EYS: variants seen among roughly 807,000 people sequenced by gnomAD.
The protein encoded by EYS is EGF-like photoreceptor maintenance factor, also known as protein eyes shut homolog.
Under a neutral mutation model 282.1 loss-of-function variants are expected in EYS, and 250 were observed. The ratio of observed to expected loss-of-function variants is 0.89; its 90% CI spans 0.80 to 0.98. EYS has a LOEUF of 0.98. Among genes scored for constraint, EYS ranks in the 50% least tolerant of loss-of-function variants. EYS has a pLI of 0.00. For synonymous variants in EYS, 1,355 were observed against 1,282.9 expected (o/e 1.06, Z -1.20); for missense variants, 4,016 against 3,709.0 (o/e 1.08, Z -2.15).
chr6:64,866,919 T>C (rs897631119), intron 19 of EYS, among the ~76,000 whole-genome samples: 1 of 151,774 alleles, frequency 6.6e-6, no homozygotes, highest in African/African-American at 2.4e-5. Flanking sequence ...TCATCATTAG[T>C]TAAAAGTTAC....
chr6:65,471,755 C>A (rs1004381822), intron 5 of EYS, among the ~76,000 whole-genome samples: 36 of 152,000 alleles, frequency 2.4e-4, no homozygotes, highest in African/African-American at 8.4e-4. Flanking sequence ...CAATAGAAAT[C>A]ATGTGATTAT....
intron 2 of EYS, among the ~76,000 whole-genome samples, chr6:65,529,139 T>TA (rs554452993): frequency 0.013 from 1,932 of 147,190 alleles, 32 homozygotes; most frequent in Admixed American, 0.031. Flanking sequence ...TTGCTATTCT[T>TA]AAAAAAAAAA....
chr6:65,668,176 A>G lies in EYS; in HGVS notation c.-447-28284T>C, dbSNP rs144492838. 1.7e-3 allele frequency among the ~76,000 whole-genome samples: 255 copies of G among 151,978 alleles called. 1 individual carries two copies. The highest frequency in any genetic ancestry group is 5.3e-3 in the African/African-American group (219 of 41,544). On this transcript the variant is annotated intron_variant, in intron 1 of 42. Coordinates refer to ENST00000503581, the MANE Select transcript of EYS (RefSeq NM_001142800.2). ...TGTTTTCTAATTAGGTGTTGTCTTT[A>G]TACTGTGAATCTTAGTCTTACTTGA...
intron 12 of EYS, among the ~76,000 whole-genome samples, chr6:65,152,764 T>A (rs1184346282): frequency 6.6e-6 from 1 of 151,772 alleles, no homozygotes; most frequent in African/African-American, 2.4e-5. Flanking sequence ...AAATAAAATA[T>A]ATAAATATAT....
At chr6:64,407,029 C>T (rs1773738661) in intron 28 of EYS, among the ~76,000 whole-genome samples, 2 of 152,112 alleles carry the variant, frequency 1.3e-5, no homozygotes, top group South Asian at 4.1e-4. Flanking sequence ...GTTCACAGTG[C>T]AAACACTTGG....
chr6:65,637,379 C>T (rs776302853), intron 2 of EYS, among the ~76,000 whole-genome samples: 32 of 152,170 alleles, frequency 2.1e-4, no homozygotes, highest in Non-Finnish European at 4.0e-4. Context: ...ATGGAAGTGA[C>T]GACCAGTGTG....
In EYS at chr6:65,427,405, A is replaced by G. The variant is rs1014183791; in HGVS notation, c.863-22038T>C. On this transcript the variant is annotated intron_variant, in intron 5 of 42. Transcript: ENST00000503581. ...TAAATTTTTCAAAATACAGATATGC[A>G]TTGACTATCTCATGTTAGATTTGTT... Among the ~76,000 whole-genome samples, 32 of 143,850 alleles carry G rather than the reference A, an allele frequency of 2.2e-4. No homozygotes were observed. The Admixed American group carries it at 2.3e-3, about 10-fold the overall frequency. 94.4% of individuals were successfully genotyped at this position (143,850 alleles called of 152,430 possible).
chr6:64,689,215 T>C (rs1250229406), intron 22 of EYS, among the ~76,000 whole-genome samples: 1 of 152,098 alleles, frequency 6.6e-6, no homozygotes, highest in Admixed American at 6.6e-5. Context: ...TGAACTCCCA[T>C]TCACAATTGC....
At position 64,708,249 on chromosome 6, in the gene EYS, G is replaced by T. The variant is rs554450695; in HGVS notation, c.3444-82004C>A. Among the ~76,000 whole-genome samples the T allele has an allele frequency of 9.8e-5, 15 of 152,302 alleles. No individual in the cohort carries two copies. In the South Asian group the frequency reaches 2.9e-3, roughly 29 times the overall value. On this transcript the variant is annotated intron_variant, in intron 22 of 42. Coordinates refer to ENST00000503581, the MANE Select transcript of EYS (RefSeq NM_001142800.2). ...ATTAATCAGGCATGTGTGCAAAAAT[G>T]TACCTGCATTTAGCAGTACTGCGTA...
intron 11 of EYS, 132 bp downstream of exon 11, chr6:65,334,848 A>T: frequency 1.4e-6 from 1 of 732,794 alleles, no homozygotes. Context: ...ATGTATATGT[A>T]AGTGTTTGTT....
intron 2 of EYS, among the ~76,000 whole-genome samples, chr6:65,631,446 T>G (rs762448113): frequency 3.3e-5 from 5 of 150,420 alleles, no homozygotes; most frequent in Non-Finnish European, 4.4e-5. Flanking sequence ...ATACACCAGA[T>G]GGGCTATAAT....
chr6:64,176,863 G>A (rs1764652751), intron 31 of EYS, among the ~76,000 whole-genome samples: 1 of 151,812 alleles, frequency 6.6e-6, no homozygotes, highest in Non-Finnish European at 1.5e-5. Context: ...TATTGAAAAA[G>A]ATTAAATAAA....
chr6:64,565,147 G>A (rs913973025), intron 26 of EYS, among the ~76,000 whole-genome samples: 3 of 151,940 alleles, frequency 2.0e-5, no homozygotes, highest in Non-Finnish European at 4.4e-5. Context: ...GTGCAGAAAC[G>A]TTTTAGTTTT....
At position 64,662,170 on chromosome 6, in the gene EYS, G is replaced by A. The variant is rs549179364; in HGVS notation, c.3444-35925C>T. ...ACACCACATGTTCTCACTCATAGGT[G>A]GGAACTGAACAATGAGAACACATGG... On this transcript the variant is annotated intron_variant, in intron 22 of 42. Coordinates refer to ENST00000503581, the MANE Select transcript of EYS (RefSeq NM_001142800.2). Among the ~76,000 whole-genome samples, 99 of 146,606 alleles carry A rather than the reference G, an allele frequency of 6.8e-4. 1 individual carries two copies. The highest frequency in any genetic ancestry group is 2.3e-3 in the African/African-American group (92 of 39,624).
intron 15 of EYS, among the ~76,000 whole-genome samples, chr6:64,921,758 G>T (rs563543905): frequency 6.6e-6 from 1 of 152,244 alleles, no homozygotes; most frequent in African/African-American, 2.4e-5. Flanking sequence ...ATTAGAAACA[G>T]AAAATAAAAC....
At position 65,460,471 on chromosome 6, in the gene EYS, T is replaced by A. The variant is rs576462177; in HGVS notation, c.862+30123A>T. ...AGAAAGAAAGAACTCTCCATAGTTG[T>A]GAAACTCTTTAGCTCATCTCATCAG... On this transcript the variant is annotated intron_variant, in intron 5 of 42. Transcript: ENST00000503581. 5.9e-5 allele frequency among the ~76,000 whole-genome samples: 9 copies of A among 152,148 alleles called. 1 individual carries two copies. The South Asian group carries it at 1.2e-3, about 21-fold the overall frequency.
chr6:64,284,744 C>T (rs905259799), intron 30 of EYS, among the ~76,000 whole-genome samples: 2 of 152,192 alleles, frequency 1.3e-5, no homozygotes, highest in Non-Finnish European at 2.9e-5. Context: ...CTTTTCTGCA[C>T]CCGCATGCTC....
intron 5 of EYS, among the ~76,000 whole-genome samples, chr6:65,412,915 CTTGACCCCAAGA>C (rs1767080122): frequency 6.6e-6 from 1 of 152,056 alleles, no homozygotes; most frequent in African/African-American, 2.4e-5. Flanking sequence ...TCCTCATAAG[CTTGACCCCAAGA>C]TTTCAAAATG....
chr6:63,970,818 T>C (rs1409333780), intron 35 of EYS, among the ~76,000 whole-genome samples: 1 of 152,168 alleles, frequency 6.6e-6, no homozygotes, highest in Middle Eastern at 3.2e-3. Context: ...TTAAAAATGA[T>C]GAGAGGAAGG....
Sources: gnomAD v4.1 joint callset for allele counts (sites outside exome capture counted in the v4.1 genomes callset) on GRCh38, gnomAD v4.1.1 for gene constraint, MANE v1.5 for transcripts, NCBI Gene and HGNC (gene_info 2026-07-23, HGNC 2026-07-21) for gene names.